Variants in ZNF804B observed in about 807,000 individuals in gnomAD.
The protein encoded by ZNF804B is zinc finger protein 804B.
A neutral mutation model predicts 101.4 loss-of-function variants in ZNF804B; 80 were observed. The ratio of observed to expected loss-of-function variants is 0.79; its 90% CI spans 0.66 to 0.95. The LOEUF is 0.95. ZNF804B is among the 40% of genes least tolerant of loss of function. The pLI, the probability that ZNF804B is intolerant of heterozygous loss-of-function variation, is 0.00. For missense variants in ZNF804B, 1,673 were observed against 1,561.9 expected (o/e 1.07, Z -1.20); for synonymous variants, 622 against 558.8 (o/e 1.11, Z -1.59).
At chr7:89,136,475 C>T (rs1321563996) in intron 1 of ZNF804B, among the ~76,000 whole-genome samples, 2 of 151,982 alleles carry the variant, frequency 1.3e-5, no homozygotes, top group African/African-American at 4.8e-5. Flanking sequence ...AGAAATTTTT[C>T]ATCTTTCTAA....
chr7:89,238,792 G>T (rs778545572), intron 2 of ZNF804B, among the ~76,000 whole-genome samples: 1 of 152,198 alleles, frequency 6.6e-6, no homozygotes, highest in Non-Finnish European at 1.5e-5. Context: ...TCAAAGGTTA[G>T]AAATTAGACC....
intron 1 of ZNF804B, among the ~76,000 whole-genome samples, chr7:89,114,026 C>T (rs1338721696): frequency 6.6e-6 from 1 of 151,974 alleles, no homozygotes; most frequent in Non-Finnish European, 1.5e-5. Flanking sequence ...ACACTTTTCT[C>T]TCAAGCAATT....
intron 1 of ZNF804B, among the ~76,000 whole-genome samples, chr7:89,134,445 C>T (rs1017674205): frequency 1.3e-5 from 2 of 151,990 alleles, no homozygotes; most frequent in Non-Finnish European, 2.9e-5. Flanking sequence ...TCTCTGCATC[C>T]AGAAACAATG....
At position 88,968,102 on chromosome 7, in the gene ZNF804B, T is replaced by A. The variant is rs1316668864; in HGVS notation, c.108+208018T>A. Reference sequence around the variant, plus strand: ...ATCAAGAGAGTCTTCTAGATATTCTTAAAATTTAATAACAAAAATTAAGTC... The same window carrying A: ...ATCAAGAGAGTCTTCTAGATATTCTAAAAATTTAATAACAAAAATTAAGTC... On this transcript the variant is annotated intron_variant, in intron 1 of 3. Transcript: ENST00000333190. 2.0e-5 allele frequency among the ~76,000 whole-genome samples: 3 copies of A among 151,362 alleles called. No individual in the cohort carries two copies. In the East Asian group the frequency reaches 5.9e-4, roughly 30 times the overall value.
intron 1 of ZNF804B, among the ~76,000 whole-genome samples, chr7:88,916,729 T>C (rs555857371): frequency 2.2e-4 from 33 of 152,328 alleles, no homozygotes; most frequent in Non-Finnish European, 4.0e-4. Flanking sequence ...AGTAACACTT[T>C]AGGATGTTAT....
intron 1 of ZNF804B, among the ~76,000 whole-genome samples, chr7:89,143,428 C>G (rs533465346): frequency 6.6e-6 from 1 of 151,748 alleles, no homozygotes. Flanking sequence ...TTTTCTTACC[C>G]GCTCCCAGCT....
chr7:89,198,838 C>T (rs977635688), intron 1 of ZNF804B, among the ~76,000 whole-genome samples: 16 of 152,022 alleles, frequency 1.1e-4, no homozygotes, highest in African/African-American at 3.6e-4. Flanking sequence ...AAGGTCATGT[C>T]AGGATGCTAG....
chr7:89,100,732 C>T (rs1015105060), intron 1 of ZNF804B, among the ~76,000 whole-genome samples: 7 of 151,790 alleles, frequency 4.6e-5, no homozygotes, highest in African/African-American at 1.5e-4. Flanking sequence ...ATATTGTCAC[C>T]CATAAAGAGA....
intron 1 of ZNF804B, among the ~76,000 whole-genome samples, chr7:89,212,602 A>C (rs1788822415): frequency 6.6e-6 from 1 of 152,186 alleles, no homozygotes; most frequent in East Asian, 1.9e-4. Flanking sequence ...ACCCATGAAA[A>C]GTGCTACTAC....
chr7:88,819,645 GT>G (rs1790944814), intron 1 of ZNF804B, among the ~76,000 whole-genome samples: 1 of 151,962 alleles, frequency 6.6e-6, no homozygotes, highest in Non-Finnish European at 1.5e-5. Context: ...TTTATCATAA[GT>G]TTTAAAAATC....
intron 2 of ZNF804B, among the ~76,000 whole-genome samples, chr7:89,253,717 A>G (rs1299359476): frequency 6.6e-6 from 1 of 152,100 alleles, no homozygotes; most frequent in African/African-American, 2.4e-5. Context: ...AAGATTATAA[A>G]AAATAAAAAA....
At chr7:89,222,047 G>T (rs1436734284) in intron 2 of ZNF804B, among the ~76,000 whole-genome samples, 2 of 151,938 alleles carry the variant, frequency 1.3e-5, no homozygotes, top group Non-Finnish European at 2.9e-5. Flanking sequence ...CCAGAAAGAA[G>T]AGAAGATAAA....
At chr7:88,803,578 A>G (rs1445925124) in intron 1 of ZNF804B, among the ~76,000 whole-genome samples, 1 of 152,162 alleles carries the variant, frequency 6.6e-6, no homozygotes, top group Non-Finnish European at 1.5e-5. Context: ...TAGGAATGCA[A>G]GGATTTAGAG....
At chr7:88,820,480 A>G (rs1790959730) in intron 1 of ZNF804B, among the ~76,000 whole-genome samples, 1 of 152,132 alleles carries the variant, frequency 6.6e-6, no homozygotes, top group South Asian at 2.1e-4. Context: ...TCAAGCCATG[A>G]GCCTCCCTTT....
intron 1 of ZNF804B, among the ~76,000 whole-genome samples, chr7:88,881,650 A>T (rs1340433916): frequency 2.0e-5 from 3 of 152,170 alleles, no homozygotes; most frequent in Non-Finnish European, 4.4e-5. Flanking sequence ...TGGGGAATCC[A>T]ATTGTAGGGT....
At chr7:88,852,882 CT>C (rs1378836328) in intron 1 of ZNF804B, among the ~76,000 whole-genome samples, 1 of 152,070 alleles carries the variant, frequency 6.6e-6, no homozygotes, top group Non-Finnish European at 1.5e-5. Flanking sequence ...CTTCTCTAAA[CT>C]GATAAAAACT....
chr7:89,216,895 T>TA (rs1788904343), intron 1 of ZNF804B, among the ~76,000 whole-genome samples: 1 of 152,238 alleles, frequency 6.6e-6, no homozygotes, highest in African/African-American at 2.4e-5. Flanking sequence ...ATTCATTCTT[T>TA]ATACATATTT....
At chr7:89,096,420 G>T (rs58986092) in intron 1 of ZNF804B, among the ~76,000 whole-genome samples, 3,454 of 152,158 alleles carry the variant, frequency 0.023, 155 homozygotes, top group African/African-American at 0.079. Flanking sequence ...AGTTGATCCC[G>T]AGACTGATGT....
intron 1 of ZNF804B, among the ~76,000 whole-genome samples, chr7:88,864,893 A>C (rs1791702283): frequency 6.6e-6 from 1 of 152,180 alleles, no homozygotes; most frequent in African/African-American, 2.4e-5. Flanking sequence ...TAAAATCTGC[A>C]AACTTGATTT....
Sources: allele counts gnomAD v4.1 joint callset (sites outside exome capture counted in the v4.1 genomes callset), GRCh38; gene constraint gnomAD v4.1.1; transcripts MANE v1.5; gene names NCBI Gene and HGNC (gene_info 2026-07-23, HGNC 2026-07-21).